The following ITPR1 variants were observed in gnomAD, a reference collection of about 807,000 sequenced individuals.
ITPR1 encodes inositol 1,4,5-trisphosphate receptor type 1.
Under a neutral mutation model 318.4 loss-of-function variants are expected in ITPR1, and 96 were observed. That is an observed-to-expected ratio of 0.30 (90% CI 0.26 to 0.36). The LOEUF is 0.36. Ranked by LOEUF, ITPR1 falls within the 10% of genes least tolerant of loss-of-function variation. ITPR1 has a pLI of 1.00. For synonymous variants in ITPR1, 1,312 were observed against 1,289.9 expected (o/e 1.02, Z -0.37); for missense variants, 2,440 against 3,460.2 (o/e 0.71, Z 7.40).
intron 37 of ITPR1, among the ~76,000 whole-genome samples, chr3:4,709,431 A>C (rs1443673723): frequency 6.6e-6 from 1 of 152,196 alleles, no homozygotes; most frequent in Non-Finnish European, 1.5e-5. Flanking sequence ...GTCAATCCCA[A>C]CTGGGTCCCA....
At chr3:4,502,111 C>T (rs576280780) in intron 2 of ITPR1, among the ~76,000 whole-genome samples, 10 of 152,330 alleles carry the variant, frequency 6.6e-5, no homozygotes, top group African/African-American at 2.4e-4. Context: ...GACACCCAGA[C>T]GACGGACATT....
intron 4 of ITPR1, among the ~76,000 whole-genome samples, chr3:4,542,790 G>A (rs1236463498): frequency 6.6e-6 from 1 of 152,142 alleles, no homozygotes; most frequent in Non-Finnish European, 1.5e-5. Flanking sequence ...ATAATGGAAG[G>A]TTATTAGGTT....
intron 4 of ITPR1, among the ~76,000 whole-genome samples, chr3:4,587,338 A>G (rs1021672316): frequency 4.0e-5 from 6 of 149,624 alleles, no homozygotes; most frequent in Admixed American, 2.7e-4. Flanking sequence ...CAGTGGGGCA[A>G]TCTTGGCTTA....
At chr3:4,767,809 G>A (rs1323668525) in intron 45 of ITPR1, among the ~76,000 whole-genome samples, 1 of 152,188 alleles carries the variant, frequency 6.6e-6, no homozygotes, top group Non-Finnish European at 1.5e-5. Context: ...CACTGCGCTG[G>A]ACTGTTCAAA....
intron 30 of ITPR1, 48 bp from the exon 31 acceptor site, chr3:4,688,447 G>C: frequency 6.2e-7 from 1 of 1,607,636 alleles, no homozygotes. Flanking sequence ...GGAGAAGCTG[G>C]TCTCCTGGCC....
chr3:4,576,725 C>A (rs2088703056), intron 4 of ITPR1, among the ~76,000 whole-genome samples: 1 of 152,136 alleles, frequency 6.6e-6, no homozygotes, highest in African/African-American at 2.4e-5. Context: ...AGAACGAAGT[C>A]AATATTTAAA....
At chr3:4,521,118 T>C in intron 4 of ITPR1, 24 bp downstream of exon 4, 3 of 1,551,914 alleles carry the variant, frequency 1.9e-6, no homozygotes, top group South Asian at 1.1e-5. Flanking sequence ...TTTCCTGGAG[T>C]AGTCACCTTG....
chr3:4,688,909 T>C (rs1035382778), intron 31 of ITPR1, among the ~76,000 whole-genome samples: 1 of 152,230 alleles, frequency 6.6e-6, no homozygotes, highest in East Asian at 1.9e-4. Flanking sequence ...TTCAGCAATA[T>C]AGAAGTGCTA....
In ITPR1 at chr3:4,742,091, A is replaced by T. The variant is rs545415046; in HGVS notation, c.5544+6737A>T. 6.8e-4 allele frequency among the ~76,000 whole-genome samples: 104 copies of T among 152,296 alleles called. 4 individuals carry two copies. The South Asian group carries it at 0.021, about 31-fold the overall frequency. On this transcript the variant is annotated intron_variant, in intron 44 of 61. Transcript: ENST00000649015. Reference sequence around the variant, plus strand: ...GCCACCCCAGGTTGGCTCAAGGACCAGCTTGGCTCCTTTGAGAAATGGTGG... The same window carrying T: ...GCCACCCCAGGTTGGCTCAAGGACCTGCTTGGCTCCTTTGAGAAATGGTGG...
At chr3:4,507,572 A>G (rs1234681363) in intron 2 of ITPR1, among the ~76,000 whole-genome samples, 1 of 152,242 alleles carries the variant, frequency 6.6e-6, no homozygotes, top group African/African-American at 2.4e-5. Flanking sequence ...TGTGGAAGCT[A>G]GTGGTACTTG....
At chr3:4,518,331 A>C (rs2082309254) in intron 3 of ITPR1, among the ~76,000 whole-genome samples, 1 of 152,146 alleles carries the variant, frequency 6.6e-6, no homozygotes, top group Non-Finnish European at 1.5e-5. Context: ...CTTTAAAATC[A>C]TATGAAGTGC....
chr3:4,747,808 G>C (rs1366003588), intron 44 of ITPR1, among the ~76,000 whole-genome samples: 3 of 152,194 alleles, frequency 2.0e-5, no homozygotes, highest in Non-Finnish European at 1.5e-5. Flanking sequence ...ATTGACAGCA[G>C]CTCATCTAAT....
intron 61 of ITPR1, among the ~76,000 whole-genome samples, chr3:4,843,352 T>A (rs949614047): frequency 1.3e-5 from 2 of 152,238 alleles, no homozygotes; most frequent in East Asian, 1.9e-4. Flanking sequence ...ATTACTTTTT[T>A]TAAAAAAAGT....
rs148355970 is a variant in ITPR1, at chr3:4,521,419, A to G, written c.163+325A>G. Among the ~76,000 whole-genome samples, 1,173 of 152,286 alleles carry G rather than the reference A, an allele frequency of 7.7e-3. 19 individuals are homozygous for G. Among genetic ancestry groups the G allele is most frequent in the African/African-American group, 0.027 (1,102 of 41,550 alleles). ...GATCCAGTCACAGGGAACATTCATT[A>G]TTTCAGCAGATCTCACTGTCCGTTT... is the stretch of plus-strand genomic sequence containing the variant. On this transcript the variant is annotated intron_variant, in intron 4 of 61. Transcript: ENST00000649015.
intron 49 of ITPR1, among the ~76,000 whole-genome samples, chr3:4,781,419 G>A (rs980815234): frequency 5.3e-5 from 8 of 152,224 alleles, no homozygotes; most frequent in East Asian, 3.9e-4. Context: ...TGGGCATTGC[G>A]GAGGGTCTTA....
intron 52 of ITPR1, among the ~76,000 whole-genome samples, chr3:4,793,803 A>G (rs1170946932): frequency 6.6e-6 from 1 of 152,204 alleles, no homozygotes; most frequent in Non-Finnish European, 1.5e-5. Flanking sequence ...TTTAAACTAG[A>G]TGATTGCTCA....
chr3:4,512,997 C>G (rs934952633), intron 2 of ITPR1, among the ~76,000 whole-genome samples: 1 of 152,260 alleles, frequency 6.6e-6, no homozygotes, highest in South Asian at 2.1e-4. Context: ...TCCGCAGCTC[C>G]GTGGCAGGTT....
chr3:4,513,849 G>A (rs1046467422), intron 2 of ITPR1, among the ~76,000 whole-genome samples: 3 of 152,142 alleles, frequency 2.0e-5, no homozygotes, highest in African/African-American at 7.2e-5. Flanking sequence ...ACTTTGGGAG[G>A]CTGAGGCAGG....
intron 44 of ITPR1, among the ~76,000 whole-genome samples, chr3:4,759,468 G>C (rs1416153851): frequency 6.6e-6 from 1 of 152,184 alleles, no homozygotes. Flanking sequence ...AAAAGTAACT[G>C]TCTTGGGCAG....
Sources: allele counts gnomAD v4.1 joint callset (sites outside exome capture counted in the v4.1 genomes callset), GRCh38; gene constraint gnomAD v4.1.1; transcripts MANE v1.5; gene names NCBI Gene and HGNC (gene_info 2026-07-23, HGNC 2026-07-21).